The following TPM3 variants were observed in gnomAD, a reference collection of about 807,000 sequenced individuals.
TPM3 encodes the protein tropomyosin alpha-3 chain.
In TPM3, 16 loss-of-function variants were observed where a neutral mutation model predicts 43.1. The observed-to-expected ratio is 0.37, with a 90% CI of 0.25 to 0.56. TPM3 has a LOEUF of 0.56. Ranked by LOEUF, TPM3 falls within the 20% of genes least tolerant of loss-of-function variation. The pLI, the probability that TPM3 is intolerant of heterozygous loss-of-function variation, is 0.77. For synonymous variants in TPM3, 101 were observed against 116.9 expected (o/e 0.86, Z 0.88); for missense variants, 176 against 337.2 (o/e 0.52, Z 3.74).
chr1:154,180,630 A>G (rs4579747), intron 2 of TPM3, among the ~76,000 whole-genome samples: 96,896 of 152,036 alleles, frequency 0.64, 31,998 homozygotes, highest in East Asian at 0.88. Flanking sequence ...ACCCCAGGAC[A>G]GGCGCAGTGG....
chr1:154,169,532 G>T, intron 8 of TPM3, 149 bp from the exon 9 acceptor site: 1 of 750,794 alleles, frequency 1.3e-6, no homozygotes. Context: ...TGGCAACCAT[G>T]ACTGGACATT....
chr1:154,158,048 T>G (rs555387558), downstream of TPM3, among the ~76,000 whole-genome samples: 3 of 152,344 alleles, frequency 2.0e-5, no homozygotes, highest in East Asian at 5.8e-4. Context: ...TTCTAGGTTT[T>G]GCCCACATAA....
Position 154,169,305 on chromosome 1 carries a change from A to G in TPM3, c.854T>C (p.Ile285Thr), listed in dbSNP as rs1402380460. 2 of 1,614,186 alleles carry G rather than the reference A, an allele frequency of 1.2e-6. No homozygotes were observed. The highest frequency in any genetic ancestry group is 1.7e-6 in the Non-Finnish European group (2 of 1,180,026). Reference protein sequence around the residue: ...LDHALNDMTSI With the variant: ...LDHALNDMTST The stretch of plus-strand genomic sequence containing the variant: ...CCCCACTCTACTGTCAGATAGTTAC[A>G]TAGAGGTCATGTCATTGAGGGCGTG... Residue 285 changes from isoleucine to threonine, a missense_variant and splice_region_variant, in exon 9 of 10, where the codon ATA becomes ACA. Physicochemically the swap from Ile to Thr is moderately conservative, Grantham distance 89. Around this residue, in one of 4 missense-constraint regions of TPM3, gnomAD observed 26 missense variants for 21.8 expected, o/e 1.19. Coordinates refer to ENST00000651641, the MANE Select transcript of TPM3 (RefSeq NM_152263.4).
chr1:154,189,972 C>T (rs2148293066), intron 2 of TPM3, among the ~76,000 whole-genome samples: 1 of 152,278 alleles, frequency 6.6e-6, no homozygotes, highest in East Asian at 1.9e-4. Context: ...GACAGAGTCT[C>T]TCTCTGTTGC....
At chr1:154,175,009 T>C (rs1194178992) in intron 3 of TPM3, among the ~76,000 whole-genome samples, 2 of 151,962 alleles carry the variant, frequency 1.3e-5, no homozygotes, top group African/African-American at 4.8e-5. Context: ...TCAAGGGCCA[T>C]GGTTCTCAAC....
chr1:154,179,259 A>G (rs1480309810), intron 2 of TPM3, among the ~76,000 whole-genome samples: 3 of 152,238 alleles, frequency 2.0e-5, no homozygotes, highest in African/African-American at 4.8e-5. Flanking sequence ...GTTGGAAGGG[A>G]GTAGAGCTAT....
intron 3 of TPM3, among the ~76,000 whole-genome samples, chr1:154,174,105 G>A (rs549349472): frequency 4.0e-5 from 6 of 151,510 alleles, no homozygotes; most frequent in East Asian, 1.9e-4. Context: ...GGCCGAAGCC[G>A]GCAGATCACC....
At chr1:154,191,108 G>C in intron 2 of TPM3, 78 bp downstream of exon 2, 2 of 1,608,868 alleles carry the variant, frequency 1.2e-6, no homozygotes, top group Non-Finnish European at 1.7e-6. Flanking sequence ...CCACAAGTGT[G>C]TTTGGAATTT....
At chr1:154,157,455 A>G (rs569988880), downstream of TPM3, 1 of 712,208 alleles carries the variant, frequency 1.4e-6, no homozygotes, top group Admixed American at 1.9e-5. Flanking sequence ...GCCCAGCTGG[A>G]TTCTCCGGGA....
chr1:154,182,906 C>G, intron 2 of TPM3: 1 of 1,600,570 alleles, frequency 6.2e-7, no homozygotes, highest in Non-Finnish European at 8.5e-7. Flanking sequence ...GAGGACCGTG[C>G]TCCACGGCAA....
intron 3 of TPM3, among the ~76,000 whole-genome samples, 195 bp downstream of exon 3, chr1:154,175,920 T>C (rs567791442): frequency 3.3e-5 from 5 of 152,188 alleles, no homozygotes; most frequent in Non-Finnish European, 4.4e-5. Flanking sequence ...AGTGGCGCAA[T>C]CAGAGCTCAC....
chr1:154,161,646 T>C (rs1200135593), downstream of TPM3, among the ~76,000 whole-genome samples: 2 of 151,908 alleles, frequency 1.3e-5, no homozygotes, highest in African/African-American at 4.8e-5. Context: ...TTTCACCATA[T>C]TGGCCAGGCT....
At position 154,169,363 on chromosome 1, in the gene TPM3, G is replaced by C. The variant is rs189530777; in HGVS notation, c.796C>G (p.Leu266Val). Reference sequence around the variant, plus strand: ...TCCTCGCTAATGGCCTTGTACTTCAGTTTCTGGGCATAGAGCTCATCTGGA... The same window carrying C: ...TCCTCGCTAATGGCCTTGTACTTCACTTTCTGGGCATAGAGCTCATCTGGA... ...DLEDELYAQK[L>V]KYKAISEELD... Residue 266 changes from leucine to valine, a missense_variant, in exon 9 of 10, where the codon CTG becomes GTG. Coordinates refer to ENST00000651641, the MANE Select transcript of TPM3 (RefSeq NM_152263.4). 6.2e-7 allele frequency: 1 copy of C among 1,614,208 alleles called. No homozygotes were observed. Among genetic ancestry groups the C allele is most frequent in the Admixed American group, 1.7e-5 (1 of 60,028 alleles).
chr1:154,166,779 G>A lies in TPM3; in HGVS notation c.*1158C>T. Reference sequence around the variant, plus strand: ...TCACTGCAACCTCCGCCTCCCAGGTGCAAGCGATTCTCCTGCCTCAGCCTC... The same window carrying A: ...TCACTGCAACCTCCGCCTCCCAGGTACAAGCGATTCTCCTGCCTCAGCCTC... On this transcript the variant is annotated 3_prime_UTR_variant, in exon 10 of 10. Coordinates refer to ENST00000651641, the MANE Select transcript of TPM3 (RefSeq NM_152263.4). 1 of 771,870 alleles carries A rather than the reference G, an allele frequency of 1.3e-6. No individual in the cohort carries two copies. Among genetic ancestry groups the A allele is most frequent in the South Asian group, 5.9e-5 (1 of 16,900 alleles). The allele number at this position is 771,870 out of a possible 1,614,324, so 47.8% of individuals were successfully genotyped here. A position where few individuals can be genotyped will look rare whatever the true frequency, so the allele number is the denominator to read the frequency against.
chr1:154,174,790 G>A (rs377364477), intron 3 of TPM3, among the ~76,000 whole-genome samples: 169 of 151,150 alleles, frequency 1.1e-3, no homozygotes, highest in African/African-American at 3.8e-3. Flanking sequence ...CACTGCGCCC[G>A]GCCCTCACTT....
At chr1:154,189,301 G>A (rs1340238124) in intron 2 of TPM3, among the ~76,000 whole-genome samples, 6 of 150,358 alleles carry the variant, frequency 4.0e-5, no homozygotes, top group African/African-American at 1.5e-4. Flanking sequence ...TGGCCAACAT[G>A]GCGAAACCCC....
In TPM3 at chr1:154,192,054, TGGA is replaced by T; in HGVS notation, c.-39_-37del. 2 of 1,565,542 alleles carry T rather than the reference TGGA, an allele frequency of 1.3e-6. No individual in the cohort carries two copies. Among genetic ancestry groups the T allele is most frequent in the Non-Finnish European group, 1.8e-6 (2 of 1,138,130 alleles). Reference sequence around the variant, plus strand: ...TGTTGGTAGGCTCACCTGTGAACACTGGAGAACTGGAGACTGGGGCAAGAAAGA... The same window carrying T: ...TGTTGGTAGGCTCACCTGTGAACACTGAACTGGAGACTGGGGCAAGAAAGA... On this transcript the variant is annotated 5_prime_UTR_variant, in exon 1 of 10. Coordinates refer to ENST00000651641, the MANE Select transcript of TPM3 (RefSeq NM_152263.4).
At chr1:154,184,314 G>C (rs1316964419) in intron 2 of TPM3, among the ~76,000 whole-genome samples, 4 of 152,084 alleles carry the variant, frequency 2.6e-5, no homozygotes, top group African/African-American at 9.7e-5. Flanking sequence ...TGGGATTACA[G>C]GTCCCTGTTA....
chr1:154,191,841 C>A (rs1240860245), intron 1 of TPM3, 61 bp downstream of exon 1: 3 of 1,595,428 alleles, frequency 1.9e-6, no homozygotes, highest in Non-Finnish European at 1.7e-6. Flanking sequence ...CCCATGAAAA[C>A]TCCCTTCCAT....
Sources: allele counts gnomAD v4.1 joint callset (sites outside exome capture counted in the v4.1 genomes callset), GRCh38; gene constraint gnomAD v4.1.1; regional missense constraint gnomAD v4.1.1; transcripts MANE v1.5; gene names NCBI Gene and HGNC (gene_info 2026-07-23, HGNC 2026-07-21).